The following WSCD2 variants were observed in gnomAD, a reference collection of about 807,000 sequenced individuals.
The protein encoded by WSCD2 is WSC domain sialate O sulfotransferase 2, also known as sialate:O-sulfotransferase 2.
In WSCD2, 28 loss-of-function variants were observed where a neutral mutation model predicts 55.7. That is an observed-to-expected ratio of 0.50 (90% confidence interval 0.37 to 0.69). The LOEUF (loss-of-function observed/expected upper bound fraction) is 0.69. Ranked by LOEUF, WSCD2 falls within the 30% of genes least tolerant of loss-of-function variation. The pLI, the probability that WSCD2 is intolerant of heterozygous loss-of-function variation, is 0.00. For missense variants in WSCD2, 616 were observed against 762.1 expected (o/e 0.81, Z 2.26); for synonymous variants, 301 against 301.9 (o/e 1.00, Z 0.03).
chr12:108,216,142 C>G (rs1044591875), intron 4 of WSCD2, among the ~76,000 whole-genome samples: 11 of 152,178 alleles, frequency 7.2e-5, no homozygotes, highest in African/African-American at 2.7e-4. Context: ...AGATGGGAAA[C>G]AAGGATGTGA....
chr12:108,202,054 G>A (rs1014516066), intron 2 of WSCD2, among the ~76,000 whole-genome samples: 4 of 152,144 alleles, frequency 2.6e-5, no homozygotes, highest in Non-Finnish European at 4.4e-5. Flanking sequence ...TCCTGTCTCC[G>A]AGAGATTCTG....
In WSCD2 at chr12:108,195,771, C is replaced by T. The variant is rs888056439; in HGVS notation, c.-62C>T. 25 of 1,537,906 alleles carry T rather than the reference C, an allele frequency of 1.6e-5. No individual in the cohort carries two copies. The highest frequency in any genetic ancestry group is 2.0e-5 in the Non-Finnish European group (23 of 1,141,974). On this transcript the variant is annotated 5_prime_UTR_variant, in exon 2 of 9. Transcript: ENST00000547525. Reference sequence around the variant, plus strand: ...AAGGAAAGCTTGGGAAACCAAGCCCCTTCCATCCTCTCCCAAGCACCCCAG... The same window carrying T: ...AAGGAAAGCTTGGGAAACCAAGCCCTTTCCATCCTCTCCCAAGCACCCCAG...
At chr12:108,159,996 G>A (rs1003678401) in intron 1 of WSCD2, among the ~76,000 whole-genome samples, 4 of 151,534 alleles carry the variant, frequency 2.6e-5, no homozygotes, top group African/African-American at 9.8e-5. Flanking sequence ...CCTTCGTGGA[G>A]ATATTAGACA....
chr12:108,248,346 C>A lies in WSCD2; in HGVS notation c.*3C>A. Reference sequence around the variant, plus strand: ...CCGATGACTACTACCCAAGATGATGCGTCCACACAGGGGGAGGGTAGACTG... The same window carrying A: ...CCGATGACTACTACCCAAGATGATGAGTCCACACAGGGGGAGGGTAGACTG... On this transcript the variant is annotated 3_prime_UTR_variant, in exon 9 of 9. Coordinates refer to ENST00000547525, the MANE Select transcript of WSCD2 (RefSeq NM_014653.4). The surrounding 1 kb of genome is among the most constrained non-coding windows in gnomAD (Gnocchi z 4.3). The A allele has an allele frequency of 6.2e-7, 1 of 1,606,290 alleles. No homozygotes were observed. Among genetic ancestry groups the A allele is most frequent in the Non-Finnish European group, 8.5e-7 (1 of 1,174,338 alleles).
intron 1 of WSCD2, among the ~76,000 whole-genome samples, chr12:108,172,279 G>T (rs1403471665): frequency 6.6e-6 from 1 of 152,154 alleles, no homozygotes; most frequent in African/African-American, 2.4e-5. Context: ...GCTATACTTT[G>T]TCATCATACC....
chr12:108,180,851 C>A (rs746493408), intron 1 of WSCD2, among the ~76,000 whole-genome samples: 1 of 152,236 alleles, frequency 6.6e-6, no homozygotes, highest in African/African-American at 2.4e-5. Context: ...AGCTTTAAAC[C>A]GAGCACAGCA....
At chr12:108,130,487 T>G (rs1011621206) in intron 1 of WSCD2, among the ~76,000 whole-genome samples, 12 of 136,866 alleles carry the variant, frequency 8.8e-5, no homozygotes, top group South Asian at 4.3e-4. Flanking sequence ...TGTGTGTGTG[T>G]GTGTGTGTGT....
intron 4 of WSCD2, among the ~76,000 whole-genome samples, chr12:108,223,919 T>C (rs2137157686): frequency 6.6e-6 from 1 of 152,304 alleles, no homozygotes; most frequent in East Asian, 1.9e-4. Flanking sequence ...GAGACCAGGA[T>C]GGAGGTGGCA....
At chr12:108,149,283 CT>C (rs1877716909) in intron 1 of WSCD2, among the ~76,000 whole-genome samples, 1 of 152,124 alleles carries the variant, frequency 6.6e-6, no homozygotes, top group Non-Finnish European at 1.5e-5. Context: ...AATGGAGGGT[CT>C]TTTATTTCTT....
intron 1 of WSCD2, among the ~76,000 whole-genome samples, chr12:108,189,137 T>G (rs1364566087): frequency 6.6e-6 from 1 of 152,216 alleles, no homozygotes; most frequent in African/African-American, 2.4e-5. Flanking sequence ...TCAACCATAT[T>G]GATTCCTATT....
intron 8 of WSCD2, among the ~76,000 whole-genome samples, chr12:108,246,757 C>G (rs1372332359): frequency 2.6e-5 from 4 of 151,938 alleles, no homozygotes. Context: ...AAAAATAGTC[C>G]CACTTAAACC....
chr12:108,174,690 C>T (rs867835013), intron 1 of WSCD2, among the ~76,000 whole-genome samples: 3 of 152,364 alleles, frequency 2.0e-5, no homozygotes, highest in Middle Eastern at 3.4e-3. Flanking sequence ...GCATAGCTCA[C>T]TGCAGCCTCA....
In WSCD2 at chr12:108,132,773, T is replaced by C. The variant is rs542530771; in HGVS notation, c.-552+2847T>C. On this transcript the variant is annotated intron_variant, in intron 1 of 8. Coordinates refer to ENST00000547525, the MANE Select transcript of WSCD2 (RefSeq NM_014653.4). The stretch of plus-strand genomic sequence containing the variant: ...TAGCTGTGTGTGTTATTTGCATGTG[T>C]ATGTGGGCATTTCTCAGTGCCTGCA... 2.0e-5 allele frequency among the ~76,000 whole-genome samples: 3 copies of C among 152,362 alleles called. No individual in the cohort carries two copies. In the East Asian group the frequency reaches 5.8e-4, roughly 29 times the overall value.
chr12:108,156,212 G>A (rs183768150), intron 1 of WSCD2, among the ~76,000 whole-genome samples: 29 of 152,274 alleles, frequency 1.9e-4, no homozygotes, highest in Middle Eastern at 6.8e-3. Flanking sequence ...GGAGGAACAC[G>A]TGCTCTGAAA....
At chr12:108,239,496 C>G (rs1293623978) in intron 7 of WSCD2, among the ~76,000 whole-genome samples, 1 of 152,166 alleles carries the variant, frequency 6.6e-6, no homozygotes, top group East Asian at 1.9e-4. Flanking sequence ...CATGTCCTTT[C>G]ATGGTGATAG....
At chr12:108,170,201 T>C (rs1880092246) in intron 1 of WSCD2, among the ~76,000 whole-genome samples, 1 of 152,224 alleles carries the variant, frequency 6.6e-6, no homozygotes. Context: ...CTTTATTTTT[T>C]TTCTGTTATG....
intron 2 of WSCD2, among the ~76,000 whole-genome samples, chr12:108,202,139 G>A (rs1014553314): frequency 2.0e-5 from 3 of 148,122 alleles, no homozygotes; most frequent in East Asian, 3.8e-4. Flanking sequence ...CAGTAACCAC[G>A]CTAATGAGCT....
intron 2 of WSCD2, among the ~76,000 whole-genome samples, chr12:108,204,273 G>A (rs1482804123): frequency 1.3e-5 from 2 of 151,980 alleles, no homozygotes; most frequent in Non-Finnish European, 2.9e-5. Context: ...TTGATCTGCT[G>A]ACAAAAACTT....
intron 4 of WSCD2, among the ~76,000 whole-genome samples, chr12:108,216,084 A>G (rs897584274): frequency 3.3e-5 from 5 of 152,198 alleles, no homozygotes; most frequent in Admixed American, 2.6e-4. Context: ...ATGGGGGTCT[A>G]TGGAGCCCAA....
Sources: allele counts gnomAD v4.1 joint callset (sites outside exome capture counted in the v4.1 genomes callset), GRCh38; gene constraint gnomAD v4.1.1; non-coding constraint Gnocchi (gnomAD v3.1); transcripts MANE v1.5; gene names NCBI Gene and HGNC (gene_info 2026-07-23, HGNC 2026-07-21).